The following MOB1B variants were observed in gnomAD, a reference collection of about 807,000 sequenced individuals.
The protein encoded by MOB1B is MOB1 Mps One Binder homolog B.
Under a neutral mutation model 24.4 loss-of-function variants are expected in MOB1B, and 19 were observed. The observed-to-expected ratio is 0.78, with a 90% CI of 0.54 to 1.14. MOB1B has a LOEUF of 1.14. MOB1B is among the 50% of genes most tolerant of loss of function. The pLI, the probability that MOB1B is intolerant of heterozygous loss-of-function variation, is 0.00. For missense variants in MOB1B, 243 were observed against 259.6 expected, an observed-to-expected ratio of 0.94 and a Z score of 0.44; for synonymous variants, 76 against 82.1, an observed-to-expected ratio of 0.93 and a Z score of 0.40.
chr4:70,950,877 G>A (rs1737776764), intron 1 of MOB1B: 7 of 880,346 alleles, frequency 8.0e-6, no homozygotes, highest in Admixed American at 4.0e-5. Flanking sequence ...AGTTTCAGTA[G>A]TAAGGTAGGT....
chr4:70,930,438 T>C (rs1031681011), intron 1 of MOB1B, among the ~76,000 whole-genome samples: 5 of 152,156 alleles, frequency 3.3e-5, no homozygotes, highest in African/African-American at 4.8e-5. Context: ...GGATGAAGAG[T>C]TTTTTTCTTT....
rs137923898 is a variant in MOB1B at position 70,902,509 on chromosome 4, C to G, written c.-28C>G. ...CGCCGCTCCGAGGCCTCGCGACCGC[C>G]GAGCCTGCAGCCTGCCCCGCGGCCA... On this transcript the variant is annotated 5_prime_UTR_variant, in exon 1 of 6. Transcript: ENST00000309395. The G allele has an allele frequency of 5.8e-5, 90 of 1,559,478 alleles. No homozygotes were observed. The highest frequency in any genetic ancestry group is 7.6e-5 in the Non-Finnish European group (88 of 1,152,292).
At chr4:70,923,003 A>G (rs922963242) in intron 1 of MOB1B, among the ~76,000 whole-genome samples, 1 of 152,180 alleles carries the variant, frequency 6.6e-6, no homozygotes, top group African/African-American at 2.4e-5. Context: ...TCTCCATGGC[A>G]GTTTGATTAT....
At chr4:70,950,143 T>A (rs1217572410) in intron 1 of MOB1B, among the ~76,000 whole-genome samples, 5 of 151,954 alleles carry the variant, frequency 3.3e-5, no homozygotes, top group Non-Finnish European at 7.4e-5. Flanking sequence ...TGGGTAAAAG[T>A]ATGGGCTTTA....
At chr4:70,972,874 C>T (rs994930369) in intron 3 of MOB1B, among the ~76,000 whole-genome samples, 2 of 152,080 alleles carry the variant, frequency 1.3e-5, no homozygotes, top group African/African-American at 4.8e-5. Context: ...CCTGGGTTCA[C>T]ACCATTCTCC....
chr4:70,955,646 T>A (rs572858884), intron 1 of MOB1B, among the ~76,000 whole-genome samples: 2 of 151,670 alleles, frequency 1.3e-5, no homozygotes, highest in South Asian at 4.2e-4. Context: ...AATTTTTGTA[T>A]TTTTAGTAGA....
At chr4:70,921,067 A>G (rs35264181) in intron 1 of MOB1B, among the ~76,000 whole-genome samples, 122,954 of 152,118 alleles carry the variant, frequency 0.81, 53,074 homozygotes, top group Non-Finnish European at 0.96. Context: ...TGCATACACA[A>G]GCAAAGCCAG....
chr4:70,902,639 C>A, intron 1 of MOB1B, 89 bp downstream of exon 1: 1 of 1,321,418 alleles, frequency 7.6e-7, no homozygotes, highest in Non-Finnish European at 1.0e-6. Context: ...CGCCCTCGTC[C>A]CGACCCTCCT....
intron 1 of MOB1B, among the ~76,000 whole-genome samples, chr4:70,938,758 G>T (rs1447571091): frequency 7.0e-6 from 1 of 143,614 alleles, no homozygotes; most frequent in Non-Finnish European, 1.5e-5. Context: ...AATTGGATTG[G>T]TTTTAATTTT....
chr4:70,964,247 A>G (rs548511523), intron 2 of MOB1B, among the ~76,000 whole-genome samples: 29 of 152,336 alleles, frequency 1.9e-4, no homozygotes, highest in African/African-American at 7.0e-4. Flanking sequence ...AATTAGAAAA[A>G]TTTGAGCAAC....
At chr4:70,975,125 CTGTG>C in intron 3 of MOB1B, 24 bp from the exon 4 acceptor site, 8 of 1,565,242 alleles carry the variant, frequency 5.1e-6, no homozygotes, top group Non-Finnish European at 6.9e-6. Context: ...TACTAATCTT[CTGTG>C]TGCTTTTTAT....
At chr4:70,948,107 C>T (rs1737660225) in intron 1 of MOB1B, among the ~76,000 whole-genome samples, 1 of 152,078 alleles carries the variant, frequency 6.6e-6, no homozygotes, top group African/African-American at 2.4e-5. Context: ...GTGAAAGGTG[C>T]AAGATCTGTG....
chr4:70,950,934 G>A lies in MOB1B; in HGVS notation c.15-7940G>A, dbSNP rs1737778830. 12 of 641,334 alleles carry A rather than the reference G, an allele frequency of 1.9e-5. No individual in the cohort carries two copies. The South Asian group carries it at 2.0e-4, about 11-fold the overall frequency. The allele number at this position is 641,334 out of a possible 1,614,324, so 39.7% of individuals were successfully genotyped here. The stretch of plus-strand genomic sequence containing the variant: ...ACGAGGAAGCTGAGACTCAGTAACA[G>A]TAACTTCTTCGAGACCCTGGTTCTG... On this transcript the variant is annotated intron_variant, in intron 1 of 5. Transcript: ENST00000309395.
At chr4:70,926,330 A>T (rs1203273347) in intron 1 of MOB1B, among the ~76,000 whole-genome samples, 1 of 151,780 alleles carries the variant, frequency 6.6e-6, no homozygotes, top group Admixed American at 6.6e-5. Flanking sequence ...TGAGTGAGGA[A>T]ATCCGAGATT....
At position 70,902,369 on chromosome 4, in the gene MOB1B, A is replaced by T. The variant is rs1218061959; in HGVS notation, c.-168A>T. 3 of 709,816 alleles carry T rather than the reference A, an allele frequency of 4.2e-6. No individual in the cohort carries two copies. The highest frequency in any genetic ancestry group is 7.6e-6 in the Non-Finnish European group (3 of 394,608). 44.0% of individuals were successfully genotyped at this position (709,816 alleles called of 1,614,324 possible). A position where few individuals can be genotyped will look rare whatever the true frequency, so the allele number is the denominator to read the frequency against. The stretch of plus-strand genomic sequence containing the variant: ...CCCACTTCCGCCCCCTCCCCCTGCC[A>T]TTGGAACTAGCTGAGCCGAACTAGT... On this transcript the variant is annotated 5_prime_UTR_variant, in exon 1 of 6. Coordinates refer to ENST00000309395, the MANE Select transcript of MOB1B (RefSeq NM_173468.4).
rs557993531 is a variant in MOB1B, at chr4:70,924,130, G to A, written c.14+21580G>A. On this transcript the variant is annotated intron_variant, in intron 1 of 5. Transcript: ENST00000309395. ...AGATGAGCAACAGCATAACCCTCCT[G>A]CTGTTTAGAGAATCCATTTGTTTGC... Among the ~76,000 whole-genome samples the A allele has an allele frequency of 2.6e-5, 4 of 152,208 alleles. No individual in the cohort carries two copies. In the South Asian group the frequency reaches 8.3e-4, roughly 32 times the overall value.
In MOB1B at chr4:70,982,669, A is replaced by G. The variant is rs1739253677; in HGVS notation, c.*612A>G. On this transcript the variant is annotated 3_prime_UTR_variant, in exon 6 of 6. Transcript: ENST00000309395. ...AAAAAATATTTCTTAATTATTTTTT[A>G]TATTGATGGTAATATATTACGTTCA... is the stretch of plus-strand genomic sequence containing the variant. The G allele has an allele frequency of 6.6e-6, 1 of 152,612 alleles. No homozygotes were observed. The highest frequency in any genetic ancestry group is 2.4e-5 in the African/African-American group (1 of 41,458). The allele number at this position is 152,612 out of a possible 1,614,324, so 9.5% of individuals were successfully genotyped here.
chr4:70,967,525 A>G (rs1166949528), intron 2 of MOB1B, among the ~76,000 whole-genome samples: 5 of 152,236 alleles, frequency 3.3e-5, no homozygotes, highest in Non-Finnish European at 7.3e-5. Context: ...CTTTTCATTT[A>G]TAGCCAATAA....
At chr4:70,976,246 A>G in intron 4 of MOB1B, 19 of 984,464 alleles carry the variant, frequency 1.9e-5, no homozygotes, top group Non-Finnish European at 2.3e-5. Flanking sequence ...AAAAAACAGA[A>G]TGGATATTGA....
Sources: allele counts gnomAD v4.1 joint callset (sites outside exome capture counted in the v4.1 genomes callset), GRCh38; gene constraint gnomAD v4.1.1; transcripts MANE v1.5; gene names NCBI Gene and HGNC (gene_info 2026-07-23, HGNC 2026-07-21).